MECOM: variants seen among roughly 807,000 people sequenced by gnomAD.
MECOM encodes MDS1 and EVI1 complex locus, also known as histone-lysine N-methyltransferase MECOM.
MECOM carries 13 observed loss-of-function variants against 116.3 expected under a neutral mutation model. The ratio of observed to expected loss-of-function variants is 0.11; its 90% CI spans 0.07 to 0.18. The LOEUF is 0.18. Among genes scored for constraint, MECOM ranks in the 10% least tolerant of loss-of-function variants. MECOM has a pLI of 1.00. For synonymous variants in MECOM, 528 were observed against 535.2 expected, an observed-to-expected ratio of 0.99 and a Z score of 0.19; for missense variants, 1,299 against 1,509.0, an observed-to-expected ratio of 0.86 and a Z score of 2.31.
At chr3:169,467,120 T>C (rs1389393564) in intron 1 of MECOM, 2 of 152,228 alleles carry the variant, frequency 1.3e-5, no homozygotes, top group African/African-American at 2.4e-5. Context: ...ATTGTTATGA[T>C]GGCAGGTTTA....
chr3:169,174,147 GC>G (rs2149379152), intron 2 of MECOM, among the ~76,000 whole-genome samples: 1 of 152,246 alleles, frequency 6.6e-6, no homozygotes, highest in African/African-American at 2.4e-5. Context: ...ATTTTGGTAT[GC>G]TTCCACAGTT....
At chr3:169,485,941 G>GTATATA (rs1214145629) in intron 1 of MECOM, among the ~76,000 whole-genome samples, 19 of 36,012 alleles carry the variant, frequency 5.3e-4, no homozygotes, top group African/African-American at 2.1e-3. Context: ...TAGTATATAT[G>GTATATA]TATGTATATA....
At chr3:169,373,408 T>C (rs1267696154) in intron 2 of MECOM, among the ~76,000 whole-genome samples, 1 of 151,984 alleles carries the variant, frequency 6.6e-6, no homozygotes, top group Non-Finnish European at 1.5e-5. Context: ...ATATATTCAA[T>C]TTTTTATTCT....
chr3:169,359,982 T>C (rs1727926549), intron 2 of MECOM, among the ~76,000 whole-genome samples: 1 of 151,656 alleles, frequency 6.6e-6, no homozygotes, highest in African/African-American at 2.4e-5. Flanking sequence ...TTAGGAGAAT[T>C]GAAAGGAGTT....
Position 169,381,531 on chromosome 3 carries a change from A to G in MECOM, c.38-7T>C. On this transcript the variant is annotated splice_polypyrimidine_tract_variant and splice_region_variant and intron_variant, in intron 1 of 16. Transcript: ENST00000651503. ...CCATATACACACTCATTATCTGTGA[A>G]TAAATAAGAACTTCATGAATTCCTT... 1.3e-6 allele frequency: 2 copies of G among 1,556,608 alleles called. No homozygotes were observed. Among genetic ancestry groups the G allele is most frequent in the Non-Finnish European group, 1.7e-6 (2 of 1,150,058 alleles).
chr3:169,609,604 G>A (rs932340898), intron 1 of MECOM, among the ~76,000 whole-genome samples: 3 of 152,074 alleles, frequency 2.0e-5, no homozygotes, highest in African/African-American at 7.2e-5. Context: ...AAAGGTCTTG[G>A]TGTATTTAAG....
chr3:169,570,310 A>G (rs943022654), intron 1 of MECOM, among the ~76,000 whole-genome samples: 3 of 152,242 alleles, frequency 2.0e-5, no homozygotes, highest in Non-Finnish European at 4.4e-5. Context: ...ATCCCTGAAT[A>G]GGCCAATAAC....
intron 1 of MECOM, among the ~76,000 whole-genome samples, chr3:169,412,576 A>T (rs1182045885): frequency 6.6e-6 from 1 of 152,084 alleles, no homozygotes; most frequent in East Asian, 1.9e-4. Context: ...GACAAGGAAA[A>T]CAAGCATCTT....
chr3:169,236,201 A>C (rs1320351183), intron 2 of MECOM, among the ~76,000 whole-genome samples: 3 of 152,180 alleles, frequency 2.0e-5, no homozygotes, highest in Non-Finnish European at 4.4e-5. Context: ...TGGTGCAGTA[A>C]ATGCATTTTT....
chr3:169,349,693 C>T (rs1725979347), intron 2 of MECOM, among the ~76,000 whole-genome samples: 1 of 151,856 alleles, frequency 6.6e-6, no homozygotes, highest in East Asian at 1.9e-4. Flanking sequence ...TAATCGGCAG[C>T]ATTTTACTAG....
chr3:169,595,301 C>T (rs1271187277), intron 1 of MECOM, among the ~76,000 whole-genome samples: 1 of 152,158 alleles, frequency 6.6e-6, no homozygotes, highest in Admixed American at 6.5e-5. Context: ...TAAAAGCATA[C>T]TACCCACCAA....
intron 2 of MECOM, among the ~76,000 whole-genome samples, chr3:169,273,668 G>A (rs1298072214): frequency 6.6e-6 from 1 of 152,148 alleles, no homozygotes; most frequent in Non-Finnish European, 1.5e-5. Flanking sequence ...TATGCAGCGA[G>A]TAATCTGCAT....
chr3:169,434,187 T>A (rs1211986672), intron 1 of MECOM, among the ~76,000 whole-genome samples: 1 of 152,114 alleles, frequency 6.6e-6, no homozygotes, highest in Non-Finnish European at 1.5e-5. Flanking sequence ...AAATATACAG[T>A]CAAATTTTTT....
chr3:169,287,818 G>A (rs1249690157), intron 2 of MECOM, among the ~76,000 whole-genome samples: 2 of 152,112 alleles, frequency 1.3e-5, no homozygotes, highest in East Asian at 3.8e-4. Flanking sequence ...CAGAAGCAGG[G>A]CCCTTGTATA....
chr3:169,395,968 A>G (rs971608755), intron 1 of MECOM, among the ~76,000 whole-genome samples: 1 of 152,220 alleles, frequency 6.6e-6, no homozygotes, highest in African/African-American at 2.4e-5. Flanking sequence ...AAAATGGAAG[A>G]ATACAGAAAT....
At chr3:169,210,512 A>G (rs1011131527) in intron 2 of MECOM, among the ~76,000 whole-genome samples, 1 of 152,192 alleles carries the variant, frequency 6.6e-6, no homozygotes, top group Non-Finnish European at 1.5e-5. Flanking sequence ...GAAACAGTAA[A>G]TGAAGGGCTA....
chr3:169,635,954 G>A lies in MECOM; in HGVS notation c.37+27382C>T, dbSNP rs1205787127. ...AACCTAAATGCACAATTTTACATTT[G>A]TATCTACTGAGAGACACCTTGCAGA... On this transcript the variant is annotated intron_variant, in intron 1 of 16. Coordinates refer to ENST00000651503, the MANE Select transcript of MECOM (RefSeq NM_004991.4). 2.0e-5 allele frequency among the ~76,000 whole-genome samples: 3 copies of A among 152,198 alleles called. No homozygotes were observed. In the East Asian group the frequency reaches 5.8e-4, roughly 29 times the overall value.
intron 3 of MECOM, among the ~76,000 whole-genome samples, chr3:169,141,038 A>G (rs1392468037): frequency 1.3e-5 from 2 of 152,032 alleles, no homozygotes; most frequent in Admixed American, 1.3e-4. Flanking sequence ...ACTGATCTGA[A>G]TTGATTAAAC....
chr3:169,571,467 T>G (rs980643501), intron 1 of MECOM, among the ~76,000 whole-genome samples: 3 of 152,230 alleles, frequency 2.0e-5, no homozygotes, highest in Non-Finnish European at 2.9e-5. Context: ...CCATTGACTT[T>G]CTTCACAGAA....
Sources: allele counts gnomAD v4.1 joint callset (sites outside exome capture counted in the v4.1 genomes callset), GRCh38; gene constraint gnomAD v4.1.1; transcripts MANE v1.5; gene names NCBI Gene and HGNC (gene_info 2026-07-23, HGNC 2026-07-21).